The following TASL variants were observed in gnomAD, a reference collection of about 807,000 sequenced individuals.
TASL encodes the protein TLR adaptor interacting with endolysosomal SLC15A4, also known as TLR adapter interacting with SLC15A4 on the lysosome.
TASL carries 6 observed loss-of-function variants against 12.9 expected under a neutral mutation model. The observed-to-expected ratio is 0.46, with a 90% CI of 0.25 to 0.92. The LOEUF is 0.92. Ranked by LOEUF, TASL falls within the 40% of genes least tolerant of loss-of-function variation. TASL has a pLI of 0.17. For missense variants in TASL, 165 were observed against 212.8 expected, an observed-to-expected ratio of 0.78 and a Z score of 1.40; for synonymous variants, 85 against 79.3, an observed-to-expected ratio of 1.07 and a Z score of -0.38.
At chrX:30,563,185 C>T (rs1398262811) in intron 2 of TASL, among the ~76,000 whole-genome samples, 7 of 111,068 alleles carry the variant, frequency 6.3e-5, no homozygotes, top group Admixed American at 9.6e-5. Flanking sequence ...ATCCTGTTCT[C>T]GTGATAGAGA....
intron 2 of TASL, among the ~76,000 whole-genome samples, chrX:30,562,897 TACACACACACACACAC>T (rs72184120): frequency 2.3e-5 from 2 of 85,144 alleles, no homozygotes; most frequent in Non-Finnish European, 2.3e-5. Flanking sequence ...AAAGGTATAA[TACACACACACACACAC>T]ACACACACAC....
chrX:30,571,247 A>G (rs1167664900), intron 2 of TASL, among the ~76,000 whole-genome samples: 3 of 29,097 alleles, frequency 1.0e-4, no homozygotes, highest in Non-Finnish European at 1.6e-4. Flanking sequence ...AAGGAAAAAG[A>G]GAAAGAAAGA....
Position 30,559,304 on chromosome X carries a change from A to C in TASL, c.*146T>G. The stretch of plus-strand genomic sequence containing the variant: ...AAGTGTAATATTATGAGATTTCTCC[A>C]TGATTCACACATGACTTCCAGCTGA... On this transcript the variant is annotated 3_prime_UTR_variant, in exon 3 of 3. Coordinates refer to ENST00000378962, the MANE Select transcript of TASL (RefSeq NM_025159.3). 1 of 438,477 alleles carries C rather than the reference A, an allele frequency of 2.3e-6. No homozygotes were observed. The allele number at this position is 438,477 out of a possible 1,213,427, so 36.1% of individuals were successfully genotyped here.
At chrX:30,566,317 G>A (rs1487093613) in intron 2 of TASL, among the ~76,000 whole-genome samples, 1 of 109,160 alleles carries the variant, frequency 9.2e-6, no homozygotes, top group Non-Finnish European at 1.9e-5. Flanking sequence ...GACCAGCCTG[G>A]CCAACATAGT....
intron 2 of TASL, among the ~76,000 whole-genome samples, 176 bp downstream of exon 2, chrX:30,576,576 C>A (rs891763702): frequency 1.8e-5 from 2 of 111,099 alleles, no homozygotes; most frequent in Non-Finnish European, 3.8e-5. Flanking sequence ...GGGGAAAAAA[C>A]CATATTTAGT....
At chrX:30,572,799 C>A (rs1291843141) in intron 2 of TASL, among the ~76,000 whole-genome samples, 1 of 111,947 alleles carries the variant, frequency 8.9e-6, no homozygotes, top group Non-Finnish European at 1.9e-5. Context: ...AACTCTGTTG[C>A]AGCCCTGCTG....
chrX:30,576,569 GA>G (rs200475108), intron 2 of TASL, among the ~76,000 whole-genome samples, 182 bp downstream of exon 2: 2,645 of 110,887 alleles, frequency 0.024, 75 homozygotes, highest in African/African-American at 0.082. Context: ...TTGGGAGGGG[GA>G]AAAAACCATA....
At position 30,577,742 on chromosome X, in the gene TASL, C is replaced by T. The variant is rs1352981803; in HGVS notation, c.-221G>A. 1 of 112,311 alleles carries T rather than the reference C, an allele frequency of 8.9e-6. No homozygotes were observed. The highest frequency in any genetic ancestry group is 3.2e-5 in the African/African-American group (1 of 30,845). 9.3% of individuals were successfully genotyped at this position (112,311 alleles called of 1,213,427 possible). On this transcript the variant is annotated 5_prime_UTR_variant, in exon 1 of 3. Coordinates refer to ENST00000378962, the MANE Select transcript of TASL (RefSeq NM_025159.3). ...GCTCTTTCCAGAAATTTTCACAAGC[C>T]TTTCACTGATGAGACCAGTAGACTG... is the stretch of plus-strand genomic sequence containing the variant.
In TASL at chrX:30,571,258, G is replaced by GAGAAAGAAAGAAAGAAAGAA. The variant is rs1569306040; in HGVS notation, c.-2+5493_-2+5494insTTCTTTCTTTCTTTCTTTCT. Among the ~76,000 whole-genome samples the GAGAAAGAAAGAAAGAAAGAA allele has an allele frequency of 1.6e-3, 19 of 11,888 alleles. 2 individuals are homozygous for GAGAAAGAAAGAAAGAAAGAA. The highest frequency in any genetic ancestry group is 4.5e-3 in the East Asian group (1 of 222). The allele number at this position is 11,888 out of a possible 115,157, so 10.3% of individuals were successfully genotyped here. On this transcript the variant is annotated intron_variant, in intron 2 of 2. Coordinates refer to ENST00000378962, the MANE Select transcript of TASL (RefSeq NM_025159.3). The stretch of plus-strand genomic sequence containing the variant: ...AAGGAAGGAAAAAGAGAAAGAAAGA[G>GAGAAAGAAAGAAAGAAAGAA]AAAGAAAGAAAGAAAGAAAGAAAGA...
At chrX:30,562,897 TAC>T (rs72184120) in intron 2 of TASL, among the ~76,000 whole-genome samples, 9,673 of 84,915 alleles carry the variant, frequency 0.11, 845 homozygotes, top group African/African-American at 0.29. Context: ...AAAGGTATAA[TAC>T]ACACACACAC....
Position 30,559,326 on chromosome X carries a change from C to T in TASL, c.*124G>A. On this transcript the variant is annotated 3_prime_UTR_variant, in exon 3 of 3. Coordinates refer to ENST00000378962, the MANE Select transcript of TASL (RefSeq NM_025159.3). ...TCCATGATTCACACATGACTTCCAG[C>T]TGATCTTTACTTCTCTAGCCCTTAA... 2.0e-6 allele frequency: 1 copy of T among 490,427 alleles called. No individual in the cohort carries two copies. Among genetic ancestry groups the T allele is most frequent in the Non-Finnish European group, 3.4e-6 (1 of 293,204 alleles). 40.4% of individuals were successfully genotyped at this position (490,427 alleles called of 1,213,427 possible). A position where few individuals can be genotyped will look rare whatever the true frequency, so the allele number is the denominator to read the frequency against.
chrX:30,564,113 T>C (rs1161956546), intron 2 of TASL, among the ~76,000 whole-genome samples: 1 of 111,809 alleles, frequency 8.9e-6, no homozygotes. Flanking sequence ...AGGTATAATA[T>C]AATCATGAAT....
At chrX:30,567,028 C>A (rs1380120415) in intron 2 of TASL, among the ~76,000 whole-genome samples, 1 of 111,715 alleles carries the variant, frequency 9.0e-6, no homozygotes, top group Non-Finnish European at 1.9e-5. Context: ...GTGGCTCATG[C>A]CTGTAATCCA....
intron 2 of TASL, among the ~76,000 whole-genome samples, chrX:30,571,288 AAGAAAGAAAGAAAGAAAG>A (rs1352561758): frequency 1.8e-5 from 1 of 54,762 alleles, no homozygotes; most frequent in African/African-American, 6.5e-5. Flanking sequence ...GAAAGAAAGA[AAGAAAGAAAGAAAGAAAG>A]AAAGAAAGAA....
At chrX:30,569,433 CTCT>C (rs1339274809) in intron 2 of TASL, among the ~76,000 whole-genome samples, 57 of 111,601 alleles carry the variant, frequency 5.1e-4, no homozygotes, top group African/African-American at 1.8e-3. Context: ...TTTAGCTTAG[CTCT>C]TCTTGAGCCT....
At chrX:30,577,505 T>A (rs1569307165) in intron 1 of TASL, 133 bp downstream of exon 1, 1 of 112,229 alleles carries the variant, frequency 8.9e-6, no homozygotes, top group Non-Finnish European at 1.9e-5. Context: ...TCTGATATGG[T>A]AAGCTAGAAA....
Position 30,571,282 on chromosome X carries a change from G to GAAAGAAAGAAAGAAAGAAAGAA in TASL, c.-2+5448_-2+5469dup, listed in dbSNP as rs1930610631. On this transcript the variant is annotated intron_variant, in intron 2 of 2. Transcript: ENST00000378962. ...AGAAAGAAAGAAAGAAAGAAAGAAA[G>GAAAGAAAGAAAGAAAGAAAGAA]AAAGAAAGAAAGAAAGAAAGAAAGA... is the stretch of plus-strand genomic sequence containing the variant. Among the ~76,000 whole-genome samples the GAAAGAAAGAAAGAAAGAAAGAA allele has an allele frequency of 2.2e-4, 15 of 68,503 alleles. 1 individual carries two copies. Among genetic ancestry groups the GAAAGAAAGAAAGAAAGAAAGAA allele is most frequent in the African/African-American group, 8.4e-4 (14 of 16,591 alleles). 59.5% of individuals were successfully genotyped at this position (68,503 alleles called of 115,157 possible).
chrX:30,559,419 T>TA lies in TASL; in HGVS notation c.*30dup. On this transcript the variant is annotated 3_prime_UTR_variant, in exon 3 of 3. Transcript: ENST00000378962. ...GATAAAGTGTTGCTTCATGTTTAAG[T>TA]AAATGCGAGACAGTAATGGAAGCAT... 1 of 1,063,158 alleles carries TA rather than the reference T, an allele frequency of 9.4e-7. No individual in the cohort carries two copies. Among genetic ancestry groups the TA allele is most frequent in the South Asian group, 2.2e-5 (1 of 45,191 alleles). 87.6% of individuals were successfully genotyped at this position (1,063,158 alleles called of 1,213,427 possible). A position where few individuals can be genotyped will look rare whatever the true frequency, so the allele number is the denominator to read the frequency against.
In TASL at chrX:30,568,418, A is replaced by C. The variant is rs761789613; in HGVS notation, c.-1-8062T>G. Among the ~76,000 whole-genome samples the C allele has an allele frequency of 3.6e-5, 4 of 111,362 alleles. No individual in the cohort carries two copies. In the East Asian group the frequency reaches 8.4e-4, roughly 23 times the overall value. ...AGAAAGGATTCCAATGGCAGTGAAA[A>C]GAGGGAAAACATTGCAGACAGAGGA... On this transcript the variant is annotated intron_variant, in intron 2 of 2. Coordinates refer to ENST00000378962, the MANE Select transcript of TASL (RefSeq NM_025159.3).
Sources: allele counts gnomAD v4.1 joint callset (sites outside exome capture counted in the v4.1 genomes callset), GRCh38; gene constraint gnomAD v4.1.1; transcripts MANE v1.5; gene names NCBI Gene and HGNC (gene_info 2026-07-23, HGNC 2026-07-21).